CTNNA3: variants seen among roughly 807,000 people sequenced by gnomAD.
CTNNA3 encodes the protein catenin alpha 3.
In CTNNA3, 76 loss-of-function variants were observed where a neutral mutation model predicts 95.7. The ratio of observed to expected loss-of-function variants is 0.79; its 90% CI spans 0.66 to 0.96. The LOEUF (loss-of-function observed/expected upper bound fraction) is 0.96. Ranked by LOEUF, CTNNA3 falls within the 40% of genes least tolerant of loss-of-function variation. The pLI is 0.00. For synonymous variants in CTNNA3, 431 were observed against 374.4 expected, an observed-to-expected ratio of 1.15 and a Z score of -1.74; for missense variants, 1,191 against 1,089.8, an observed-to-expected ratio of 1.09 and a Z score of -1.31.
intron 11 of CTNNA3, among the ~76,000 whole-genome samples, chr10:66,398,255 G>A (rs1024120866): frequency 7.9e-5 from 12 of 151,808 alleles, no homozygotes; most frequent in Non-Finnish European, 4.4e-5. Flanking sequence ...GAAAAGAGTG[G>A]CATGAAAATT....
chr10:66,559,342 ACCCCTC>A (rs1842482094), intron 10 of CTNNA3, among the ~76,000 whole-genome samples: 1 of 73,798 alleles, frequency 1.4e-5, no homozygotes, highest in Non-Finnish European at 2.8e-5. Context: ...GTTTTTACCC[ACCCCTC>A]CCACCCTAAC....
chr10:67,666,734 A>C (rs1334268663), intron 1 of CTNNA3, among the ~76,000 whole-genome samples: 2 of 152,158 alleles, frequency 1.3e-5, no homozygotes, highest in Admixed American at 6.5e-5. Flanking sequence ...TTCCTTAGTA[A>C]ATGTGCTTAG....
At position 66,169,436 on chromosome 10, in the gene CTNNA3, G is replaced by A. The variant is rs998712338; in HGVS notation, c.1885-66187C>T. Among the ~76,000 whole-genome samples, 4 of 152,252 alleles carry A rather than the reference G, an allele frequency of 2.6e-5. No individual in the cohort carries two copies. In the East Asian group the frequency reaches 7.7e-4, roughly 29 times the overall value. On this transcript the variant is annotated intron_variant, in intron 13 of 17. Transcript: ENST00000433211. ...CACTCGTTGGTTGATGGGCATTTGG[G>A]CTGGTTCCACATTTTTGCAATTATG...
chr10:66,565,072 T>C (rs1842665534), intron 10 of CTNNA3, among the ~76,000 whole-genome samples: 1 of 152,158 alleles, frequency 6.6e-6, no homozygotes, highest in Non-Finnish European at 1.5e-5. Context: ...TACTGAGTCA[T>C]AAAACAATAA....
chr10:66,515,018 C>G (rs1035125597), intron 11 of CTNNA3, among the ~76,000 whole-genome samples: 1 of 151,994 alleles, frequency 6.6e-6, no homozygotes, highest in Admixed American at 6.6e-5. Context: ...TTTCAAGAAT[C>G]TTTAGTCAAT....
chr10:66,985,541 T>G (rs1850680236), intron 7 of CTNNA3, among the ~76,000 whole-genome samples: 2 of 151,952 alleles, frequency 1.3e-5, no homozygotes, highest in Admixed American at 1.3e-4. Context: ...TTCCCATTGG[T>G]CAAACACAAC....
intron 15 of CTNNA3, among the ~76,000 whole-genome samples, chr10:66,059,519 A>C (rs1165260491): frequency 6.6e-6 from 1 of 152,064 alleles, no homozygotes; most frequent in Admixed American, 6.6e-5. Flanking sequence ...GAATTTCTGC[A>C]CCAGCTCGTC....
At position 66,412,447 on chromosome 10, in the gene CTNNA3, C is replaced by T. The variant is rs1013266630; in HGVS notation, c.1532-33095G>A. 5.0e-5 allele frequency among the ~76,000 whole-genome samples: 7 copies of T among 140,888 alleles called. 1 individual carries two copies. The South Asian group carries it at 9.7e-4, about 19-fold the overall frequency. The allele number at this position is 140,888 out of a possible 152,430, so 92.4% of individuals were successfully genotyped here. ...AAGTAGTAGAAGGGAAATCAGAGAGCCAAATACTATTTTTTTTTTTTTTTT... is the reference window on the plus strand; with the variant it reads ...AAGTAGTAGAAGGGAAATCAGAGAGTCAAATACTATTTTTTTTTTTTTTTT... On this transcript the variant is annotated intron_variant, in intron 11 of 17. Transcript: ENST00000433211.
chr10:65,990,391 G>GTT (rs200243700), intron 15 of CTNNA3, among the ~76,000 whole-genome samples: 94 of 139,832 alleles, frequency 6.7e-4, no homozygotes, highest in Non-Finnish European at 1.0e-3. Context: ...GCCAGCATCT[G>GTT]TTTTTTTTTT....
chr10:66,285,200 A>G (rs1250175791), intron 12 of CTNNA3, among the ~76,000 whole-genome samples: 4 of 151,902 alleles, frequency 2.6e-5, no homozygotes, highest in Admixed American at 1.3e-4. Context: ...AATATCTGGA[A>G]TATCTTCAAA....
At chr10:67,056,521 G>A (rs1464028806) in intron 7 of CTNNA3, among the ~76,000 whole-genome samples, 1 of 152,086 alleles carries the variant, frequency 6.6e-6, no homozygotes, top group Non-Finnish European at 1.5e-5. Flanking sequence ...ATCTGTATCT[G>A]TAAACACTGT....
intron 10 of CTNNA3, among the ~76,000 whole-genome samples, chr10:66,604,981 G>T (rs1844067081): frequency 6.6e-6 from 1 of 152,134 alleles, no homozygotes; most frequent in African/African-American, 2.4e-5. Context: ...GACAGAAGTA[G>T]AATTCAGAAT....
At chr10:66,060,562 G>A (rs1268175449) in intron 15 of CTNNA3, among the ~76,000 whole-genome samples, 2 of 151,974 alleles carry the variant, frequency 1.3e-5, no homozygotes. Flanking sequence ...ATAGCCAATC[G>A]GAGAAAGTCA....
At chr10:67,460,398 C>T (rs1386310187) in intron 5 of CTNNA3, among the ~76,000 whole-genome samples, 3 of 152,068 alleles carry the variant, frequency 2.0e-5, no homozygotes, top group African/African-American at 4.8e-5. Flanking sequence ...AAGTCTGGCT[C>T]GTTTGGTTTA....
At chr10:66,023,743 T>C (rs1838786001) in intron 15 of CTNNA3, among the ~76,000 whole-genome samples, 1 of 152,330 alleles carries the variant, frequency 6.6e-6, no homozygotes, top group Non-Finnish European at 1.5e-5. Context: ...AATGAGAAGA[T>C]GGTCTACAGA....
At chr10:66,958,521 G>A (rs1324975940) in intron 7 of CTNNA3, among the ~76,000 whole-genome samples, 1 of 151,900 alleles carries the variant, frequency 6.6e-6, no homozygotes, top group African/African-American at 2.4e-5. Context: ...TGTCACAAAT[G>A]TGCAGCTGGG....
chr10:67,037,303 T>C lies in CTNNA3; in HGVS notation c.1047+143014A>G, dbSNP rs183347549. Among the ~76,000 whole-genome samples the C allele has an allele frequency of 1.0e-3, 156 of 151,644 alleles. 3 individuals are homozygous for C. The highest frequency in any genetic ancestry group is 3.2e-3 in the African/African-American group (134 of 41,296). On this transcript the variant is annotated intron_variant, in intron 7 of 17. Coordinates refer to ENST00000433211, the MANE Select transcript of CTNNA3 (RefSeq NM_013266.4). ...TAATGCCATCCTTTCTCTTCTTTCA[T>C]GTACTCAGCAAAATCATATTCAGCA...
At chr10:67,248,485 G>A (rs1049263361) in intron 5 of CTNNA3, among the ~76,000 whole-genome samples, 4 of 152,060 alleles carry the variant, frequency 2.6e-5, no homozygotes, top group Non-Finnish European at 5.9e-5. Flanking sequence ...GCACAATTTT[G>A]GCTCACTGTA....
At chr10:67,074,799 T>C (rs1415487212) in intron 7 of CTNNA3, among the ~76,000 whole-genome samples, 1 of 151,240 alleles carries the variant, frequency 6.6e-6, no homozygotes, top group Non-Finnish European at 1.5e-5. Context: ...CTTAATATTA[T>C]GAACATAACA....
Sources: allele counts gnomAD v4.1 joint callset (sites outside exome capture counted in the v4.1 genomes callset), GRCh38; gene constraint gnomAD v4.1.1; transcripts MANE v1.5; gene names NCBI Gene and HGNC (gene_info 2026-07-23, HGNC 2026-07-21).